The following JMJD1C variants were observed in gnomAD, a reference collection of about 807,000 sequenced individuals.
The protein encoded by JMJD1C is jumonji domain containing 1C.
JMJD1C carries 31 observed loss-of-function variants against 245.3 expected under a neutral mutation model. That is an observed-to-expected ratio of 0.13 (90% confidence interval 0.09 to 0.17). The LOEUF (loss-of-function observed/expected upper bound fraction) is 0.17, where lower values mean the gene tolerates loss of function less well. JMJD1C is among the 10% of genes least tolerant of loss of function. JMJD1C has a pLI of 1.00. For synonymous variants in JMJD1C, 1,057 were observed against 1,017.4 expected, an observed-to-expected ratio of 1.04 and a Z score of -0.74; for missense variants, 2,691 against 3,000.2, an observed-to-expected ratio of 0.90 and a Z score of 2.41.
At chr10:63,196,256 CA>C (rs889432167) in intron 13 of JMJD1C, among the ~76,000 whole-genome samples, 29 of 139,710 alleles carry the variant, frequency 2.1e-4, no homozygotes, top group East Asian at 8.3e-4. Context: ...CAACAACATC[CA>C]AAAAAAAAAG....
chr10:63,389,804 G>C (rs1486221544), intron 1 of JMJD1C, among the ~76,000 whole-genome samples: 1 of 152,008 alleles, frequency 6.6e-6, no homozygotes, highest in Admixed American at 6.6e-5. Context: ...ACTAGGTCAA[G>C]AAAGAAACTA....
chr10:63,318,377 GATTTC>G (rs778749816), intron 2 of JMJD1C, among the ~76,000 whole-genome samples: 10 of 151,996 alleles, frequency 6.6e-5, no homozygotes, highest in Non-Finnish European at 1.0e-4. Flanking sequence ...ACCATCCAGT[GATTTC>G]ATTTGTGTTG....
chr10:63,392,870 ACACACAC>A (rs1564870715), intron 1 of JMJD1C, among the ~76,000 whole-genome samples: 1 of 92,586 alleles, frequency 1.1e-5, no homozygotes, highest in East Asian at 5.9e-4. Context: ...GTACATAAAC[ACACACAC>A]ACACACACAC....
At chr10:63,314,491 T>G (rs2134067654) in intron 2 of JMJD1C, among the ~76,000 whole-genome samples, 1 of 152,278 alleles carries the variant, frequency 6.6e-6, no homozygotes, top group Admixed American at 6.5e-5. Flanking sequence ...GCAAGGGAAG[T>G]CGAGGCTACA....
chr10:63,351,497 T>C (rs577391725), intron 2 of JMJD1C, among the ~76,000 whole-genome samples: 3 of 152,308 alleles, frequency 2.0e-5, no homozygotes, highest in African/African-American at 7.2e-5. Flanking sequence ...TAGACAACAT[T>C]AATTTCATTT....
chr10:63,268,060 T>C (rs1159709131), intron 2 of JMJD1C, among the ~76,000 whole-genome samples: 1 of 151,928 alleles, frequency 6.6e-6, no homozygotes, highest in African/African-American at 2.4e-5. Context: ...TTCAAGGAGC[T>C]TATGTCTGCA....
intron 2 of JMJD1C, among the ~76,000 whole-genome samples, chr10:63,286,857 C>A (rs1359147870): frequency 1.3e-5 from 2 of 152,086 alleles, no homozygotes; most frequent in Non-Finnish European, 2.9e-5. Context: ...AACAGAATAA[C>A]CTCAAAAGTA....
intron 2 of JMJD1C, among the ~76,000 whole-genome samples, chr10:63,273,373 T>C (rs1564718578): frequency 1.3e-5 from 2 of 152,206 alleles, no homozygotes; most frequent in Non-Finnish European, 2.9e-5. Context: ...AATATATTAA[T>C]GTGACTGGTC....
Position 63,215,617 on chromosome 10 carries a change from C to T in JMJD1C, c.758G>A (p.Gly253Asp), listed in dbSNP as rs749593063. ...TCGTGATGTAATGCCAATATTTTCA[C>T]CTTTTAACAAAGAGTGAACAACATC... is the stretch of plus-strand genomic sequence containing the variant. ...LDDVVHSLLKGENIGITSRRR... is the reference protein window; with the variant it reads ...LDDVVHSLLKDENIGITSRRR... The change falls in exon 6 of 26, where the codon GGT becomes GAT. Residue 253 changes from glycine (G) to aspartate (D), a missense_variant. Transcript: ENST00000399262. 7.4e-6 allele frequency: 12 copies of T among 1,611,466 alleles called. No homozygotes were observed. The highest frequency in any genetic ancestry group is 5.9e-6 in the Non-Finnish European group (7 of 1,177,732).
intron 2 of JMJD1C, among the ~76,000 whole-genome samples, chr10:63,318,509 T>G (rs561867609): frequency 6.6e-6 from 1 of 152,206 alleles, no homozygotes; most frequent in Non-Finnish European, 1.5e-5. Flanking sequence ...TTTTCTGCCA[T>G]TTCCTTCATT....
Position 63,302,171 on chromosome 10 carries a change from C to T in JMJD1C, c.334-37407G>A, listed in dbSNP as rs146831208. ...TAGCTGGGACTACTGGCATGAGCAA[C>T]TGCACTCAGTTTATTTAACAGATAG... is the stretch of plus-strand genomic sequence containing the variant. On this transcript the variant is annotated intron_variant, in intron 2 of 25. Coordinates refer to ENST00000399262, the MANE Select transcript of JMJD1C (RefSeq NM_032776.3). Among the ~76,000 whole-genome samples, 602 of 152,302 alleles carry T rather than the reference C, an allele frequency of 4.0e-3. 1 individual carries two copies. Among genetic ancestry groups the T allele is most frequent in the African/African-American group, 0.011 (455 of 41,568 alleles).
chr10:63,263,953 T>TAC (rs1564703913), intron 3 of JMJD1C, among the ~76,000 whole-genome samples: 2 of 33,958 alleles, frequency 5.9e-5, no homozygotes, highest in Admixed American at 3.5e-4. Context: ...AAAAAAAAAA[T>TAC]ACACATACAC....
intron 1 of JMJD1C, among the ~76,000 whole-genome samples, chr10:63,424,657 C>T (rs1245567860): frequency 6.6e-6 from 1 of 151,832 alleles, no homozygotes; most frequent in Non-Finnish European, 1.5e-5. Flanking sequence ...CAGGTGTGAG[C>T]CACCATGCTT....
intron 1 of JMJD1C, among the ~76,000 whole-genome samples, chr10:63,494,026 G>A (rs1040567538): frequency 1.3e-5 from 2 of 152,136 alleles, no homozygotes; most frequent in Non-Finnish European, 2.9e-5. Flanking sequence ...TCAAAGTTTG[G>A]AAAGTTGGGC....
rs1416562826 is a variant in JMJD1C, at chr10:63,191,173, C to T, written c.6077-65G>A. On this transcript the variant is annotated intron_variant, in intron 16 of 25. Coordinates refer to ENST00000399262, the MANE Select transcript of JMJD1C (RefSeq NM_032776.3). ...TTGAGACGGAGTCTCATTCTGTCGC[C>T]CAGGCTGGAGTGCAGTGGCGTGACC... 4.4e-6 allele frequency: 6 copies of T among 1,368,452 alleles called. No homozygotes were observed. The Admixed American group carries it at 7.0e-5, about 16-fold the overall frequency. 84.8% of individuals were successfully genotyped at this position (1,368,452 alleles called of 1,614,324 possible).
intron 1 of JMJD1C, among the ~76,000 whole-genome samples, chr10:63,437,841 A>G (rs1048499704): frequency 6.6e-6 from 1 of 152,214 alleles, no homozygotes; most frequent in Non-Finnish European, 1.5e-5. Context: ...TGACACAACC[A>G]GTAATCCCTC....
rs1236072159 is a variant in JMJD1C, at chr10:63,205,063, T to A, written c.5074+1532A>T. On this transcript the variant is annotated intron_variant, in intron 10 of 25. Coordinates refer to ENST00000399262, the MANE Select transcript of JMJD1C (RefSeq NM_032776.3). ...AAGAAATAAGCAAACTGAGAAAAACTACTACTAGAGTAAAATGATATAGAA... is the reference window on the plus strand; with the variant it reads ...AAGAAATAAGCAAACTGAGAAAAACAACTACTAGAGTAAAATGATATAGAA... The A allele has an allele frequency of 3.1e-6, 3 of 976,752 alleles. No homozygotes were observed. In the African/African-American group the frequency reaches 5.3e-5, roughly 17 times the overall value. 60.5% of individuals were successfully genotyped at this position (976,752 alleles called of 1,614,324 possible).
chr10:63,215,125 A>T lies in JMJD1C; in HGVS notation c.1042T>A (p.Leu348Met). Residue 348 changes from leucine (L) to methionine (M), a missense_variant, in exon 8 of 26, where the codon TTG becomes ATG. Physicochemically the swap from Leu to Met is conservative, Grantham distance 15. Transcript: ENST00000399262. ...GENPKGKNKH[L>M]MNKRRKPEED... The stretch of plus-strand genomic sequence containing the variant: ...TCAGGTTTCCTTCTTTTATTCATCA[A>T]GTGTTTGTTTTTACCTTTAGGATTT... 1 of 1,567,474 alleles carries T rather than the reference A, an allele frequency of 6.4e-7. No homozygotes were observed. Among genetic ancestry groups the T allele is most frequent in the Non-Finnish European group, 8.6e-7 (1 of 1,162,566 alleles).
At chr10:63,513,545 A>T (rs1286418004) in intron 1 of JMJD1C, among the ~76,000 whole-genome samples, 1 of 152,220 alleles carries the variant, frequency 6.6e-6, no homozygotes, top group Non-Finnish European at 1.5e-5. Context: ...GGGAGAAAGT[A>T]TTCACAAACC....
Sources: allele counts gnomAD v4.1 joint callset (sites outside exome capture counted in the v4.1 genomes callset), GRCh38; gene constraint gnomAD v4.1.1; transcripts MANE v1.5; gene names NCBI Gene and HGNC (gene_info 2026-07-23, HGNC 2026-07-21).